Variants in OXCT1 observed in about 807,000 individuals in gnomAD.
OXCT1 encodes succinyl-CoA:3-ketoacid coenzyme A transferase 1, mitochondrial.
In OXCT1, 27 loss-of-function variants were observed where a neutral mutation model predicts 69.6. That is an observed-to-expected ratio of 0.39 (90% CI 0.29 to 0.54). The LOEUF (loss-of-function observed/expected upper bound fraction) is 0.54. Ranked by LOEUF, OXCT1 falls within the 20% of genes least tolerant of loss-of-function variation. The pLI, the probability that OXCT1 is intolerant of heterozygous loss-of-function variation, is 0.72. For missense variants in OXCT1, 437 were observed against 650.2 expected, an observed-to-expected ratio of 0.67 and a Z score of 3.57; for synonymous variants, 202 against 217.8, an observed-to-expected ratio of 0.93 and a Z score of 0.64.
chr5:41,844,299 C>T (rs544300844), intron 5 of OXCT1, among the ~76,000 whole-genome samples: 29 of 152,192 alleles, frequency 1.9e-4, no homozygotes, highest in South Asian at 4.2e-4. Flanking sequence ...CCCTCTATTC[C>T]AAAAAGGAAT....
At chr5:41,810,502 TTG>T (rs1746920807) in intron 7 of OXCT1, among the ~76,000 whole-genome samples, 1 of 152,000 alleles carries the variant, frequency 6.6e-6, no homozygotes, top group Admixed American at 6.6e-5. Context: ...GCCCCACCAC[TTG>T]CTACAACCAG....
intron 13 of OXCT1, among the ~76,000 whole-genome samples, chr5:41,781,710 GT>G (rs1195911770): frequency 6.6e-6 from 1 of 152,146 alleles, no homozygotes; most frequent in Non-Finnish European, 1.5e-5. Context: ...GCAGTGTTTG[GT>G]TTTCTGTTCC....
At chr5:41,766,238 A>C (rs1253770832) in intron 13 of OXCT1, among the ~76,000 whole-genome samples, 4 of 152,180 alleles carry the variant, frequency 2.6e-5, no homozygotes, top group African/African-American at 9.7e-5. Flanking sequence ...GTATGGAAAG[A>C]TTCTGCAATA....
intron 1 of OXCT1, chr5:41,869,995 A>G: frequency 2.2e-6 from 1 of 457,606 alleles, no homozygotes; most frequent in Non-Finnish European, 4.0e-6. Context: ...AGGGCTCGGG[A>G]GCGCTGCCAG....
chr5:41,861,508 T>C lies in OXCT1; in HGVS notation c.188-104A>G, dbSNP rs1749739367. The C allele has an allele frequency of 1.3e-5, 10 of 787,688 alleles. No homozygotes were observed. The South Asian group carries it at 1.4e-4, about 11-fold the overall frequency. The allele number at this position is 787,688 out of a possible 1,614,324, so 48.8% of individuals were successfully genotyped here. A position where few individuals can be genotyped will look rare whatever the true frequency, so the allele number is the denominator to read the frequency against. On this transcript the variant is annotated intron_variant, in intron 2 of 16. Transcript: ENST00000196371. Reference sequence around the variant, plus strand: ...AAAAGGGAAATAAAACAAAGCACATTATTAGATCTACTAAGCAAAATACAC... The same window carrying C: ...AAAAGGGAAATAAAACAAAGCACATCATTAGATCTACTAAGCAAAATACAC...
At chr5:41,780,492 A>C (rs1398879818) in intron 13 of OXCT1, among the ~76,000 whole-genome samples, 3 of 152,222 alleles carry the variant, frequency 2.0e-5, no homozygotes, top group Non-Finnish European at 4.4e-5. Flanking sequence ...TAAAACTCTA[A>C]TTCATCAAAA....
chr5:41,846,556 A>C (rs1452763864), intron 5 of OXCT1, among the ~76,000 whole-genome samples: 3 of 150,996 alleles, frequency 2.0e-5, no homozygotes, highest in Non-Finnish European at 4.4e-5. Flanking sequence ...GTTGGTTCCA[A>C]GTCTTTGCTA....
chr5:41,761,143 T>C (rs1363667871), intron 14 of OXCT1, among the ~76,000 whole-genome samples: 1 of 152,106 alleles, frequency 6.6e-6, no homozygotes, highest in Non-Finnish European at 1.5e-5. Context: ...TTAAAATCAG[T>C]AGAAGCCAAT....
intron 7 of OXCT1, among the ~76,000 whole-genome samples, chr5:41,813,007 G>C (rs1747061369): frequency 6.6e-6 from 1 of 152,024 alleles, no homozygotes; most frequent in Non-Finnish European, 1.5e-5. Context: ...TGGCCATAAA[G>C]AGAGAAAAGA....
intron 7 of OXCT1, among the ~76,000 whole-genome samples, chr5:41,836,849 C>T (rs1748388430): frequency 6.6e-6 from 1 of 152,010 alleles, no homozygotes; most frequent in Admixed American, 6.6e-5. Flanking sequence ...GGGTTGGGGC[C>T]CTTGGTCTAG....
chr5:41,851,010 T>C (rs1251476950), intron 4 of OXCT1, among the ~76,000 whole-genome samples: 1 of 152,148 alleles, frequency 6.6e-6, no homozygotes, highest in East Asian at 1.9e-4. Flanking sequence ...AGTCAGTAGT[T>C]AAAAATTGGG....
intron 3 of OXCT1, among the ~76,000 whole-genome samples, chr5:41,855,321 T>C (rs1034034325): frequency 6.6e-6 from 1 of 152,216 alleles, no homozygotes; most frequent in Non-Finnish European, 1.5e-5. Context: ...ACTGGTCATG[T>C]TCCATTTATC....
chr5:41,807,108 A>G (rs1461462082), intron 8 of OXCT1, among the ~76,000 whole-genome samples: 3 of 152,048 alleles, frequency 2.0e-5, no homozygotes, highest in African/African-American at 7.2e-5. Flanking sequence ...AGAGAATCTC[A>G]TGGCATGGTG....
At chr5:41,846,265 A>G (rs1447171724) in intron 5 of OXCT1, among the ~76,000 whole-genome samples, 2 of 141,318 alleles carry the variant, frequency 1.4e-5, no homozygotes, top group African/African-American at 2.6e-5. Context: ...ATATCTCCCA[A>G]TGCTATCCCT....
At chr5:41,732,818 C>T (rs1352269457) in intron 16 of OXCT1, among the ~76,000 whole-genome samples, 2 of 152,164 alleles carry the variant, frequency 1.3e-5, no homozygotes, top group East Asian at 3.8e-4. Flanking sequence ...AAAGAACAGG[C>T]AGTCATTTGG....
intron 3 of OXCT1, among the ~76,000 whole-genome samples, chr5:41,858,992 T>C (rs191101119): frequency 5.8e-4 from 89 of 152,280 alleles, no homozygotes; most frequent in African/African-American, 2.0e-3. Context: ...AAATGGAAAA[T>C]TCCAGACATA....
intron 11 of OXCT1, among the ~76,000 whole-genome samples, chr5:41,799,060 G>A (rs1337586457): frequency 1.3e-5 from 2 of 152,020 alleles, no homozygotes; most frequent in African/African-American, 4.8e-5. Context: ...CTATACAACT[G>A]GTAGTTCATT....
intron 5 of OXCT1, among the ~76,000 whole-genome samples, chr5:41,849,793 A>G (rs893039743): frequency 9.8e-5 from 15 of 152,310 alleles, no homozygotes; most frequent in Admixed American, 5.2e-4. Context: ...ACTAACCTTG[A>G]CTAGTACACC....
chr5:41,835,463 T>C (rs1372291713), intron 7 of OXCT1, among the ~76,000 whole-genome samples: 1 of 152,210 alleles, frequency 6.6e-6, no homozygotes, highest in Non-Finnish European at 1.5e-5. Flanking sequence ...TAATTTTCTA[T>C]ATGTCCATTA....
Sources: allele counts gnomAD v4.1 joint callset (sites outside exome capture counted in the v4.1 genomes callset), GRCh38; gene constraint gnomAD v4.1.1; transcripts MANE v1.5; gene names NCBI Gene and HGNC (gene_info 2026-07-23, HGNC 2026-07-21).